The following RASGRP3 variants were observed in gnomAD, a reference collection of about 807,000 sequenced individuals.
The protein encoded by RASGRP3 is RAS guanyl releasing protein 3, also known as ras guanyl-releasing protein 3.
Under a neutral mutation model 82.7 loss-of-function variants are expected in RASGRP3, and 54 were observed. The observed-to-expected ratio is 0.65, with a 90% CI of 0.52 to 0.82. The LOEUF (loss-of-function observed/expected upper bound fraction) is 0.82, where lower values mean the gene tolerates loss of function less well. Ranked by LOEUF, RASGRP3 falls within the 40% of genes least tolerant of loss-of-function variation. RASGRP3 has a pLI of 0.00. For synonymous variants in RASGRP3, 309 were observed against 300.5 expected (o/e 1.03, Z -0.29); for missense variants, 861 against 828.9 (o/e 1.04, Z -0.48).
chr2:33,468,196 T>C (rs556405809), intron 2 of RASGRP3, among the ~76,000 whole-genome samples: 4 of 152,186 alleles, frequency 2.6e-5, no homozygotes, highest in African/African-American at 4.8e-5. Context: ...AGTAGATAAA[T>C]GCTGATGAGC....
intron 17 of RASGRP3, among the ~76,000 whole-genome samples, chr2:33,561,043 T>G (rs984030825): frequency 2.6e-5 from 4 of 152,098 alleles, no homozygotes; most frequent in African/African-American, 7.2e-5. Context: ...CTCTTATCCT[T>G]TCTGTGTTCT....
intron 12 of RASGRP3, 109 bp downstream of exon 12, chr2:33,539,319 G>A: frequency 1.1e-6 from 1 of 883,262 alleles, no homozygotes; most frequent in Non-Finnish European, 1.8e-6. Context: ...ACAACCCTCT[G>A]GCAGGTAGGA....
intron 7 of RASGRP3, among the ~76,000 whole-genome samples, chr2:33,523,084 C>G (rs544119199): frequency 6.6e-6 from 1 of 152,266 alleles, no homozygotes; most frequent in Admixed American, 6.5e-5. Context: ...CTGATGCTAA[C>G]TTGAAATAAT....
intron 1 of RASGRP3, among the ~76,000 whole-genome samples, chr2:33,484,083 T>G (rs1331488004): frequency 6.6e-6 from 1 of 152,198 alleles, no homozygotes; most frequent in Admixed American, 6.5e-5. Context: ...ATCCAGCAAT[T>G]CAAATTTGGC....
chr2:33,474,997 A>G (rs530651043), upstream of RASGRP3, among the ~76,000 whole-genome samples: 2 of 152,346 alleles, frequency 1.3e-5, no homozygotes, highest in East Asian at 3.9e-4. Flanking sequence ...GATGGATGCC[A>G]TCAGATCACA....
intron 14 of RASGRP3, among the ~76,000 whole-genome samples, chr2:33,552,022 CAAACA>C (rs5830266): frequency 0.17 from 19,161 of 111,458 alleles, 1,333 homozygotes; most frequent in African/African-American, 0.24. Context: ...AACAAACAAA[CAAACA>C]GAGAAACAAA....
chr2:33,457,711 T>C (rs1215080116), intron 2 of RASGRP3, among the ~76,000 whole-genome samples: 1 of 152,164 alleles, frequency 6.6e-6, no homozygotes, highest in African/African-American at 2.4e-5. Context: ...ATTTTATTCT[T>C]AAAGGCTTAA....
At chr2:33,534,526 TC>T in intron 11 of RASGRP3, 126 bp downstream of exon 11, 1 of 728,868 alleles carries the variant, frequency 1.4e-6, no homozygotes, top group Non-Finnish European at 2.2e-6. Flanking sequence ...CATTATTCTT[TC>T]TTTTTCTTTT....
rs59601670 is a variant in RASGRP3 at position 33,547,342 on chromosome 2, C to CTTTTTTTTTTTTTTTTTTTTTTT, written c.1395-2255_1395-2233dup. On this transcript the variant is annotated intron_variant, in intron 13 of 17. Coordinates refer to ENST00000403687, the MANE Select transcript of RASGRP3 (RefSeq NM_001139488.2). ...CCCGCAAGCTTGAGAATATAGAATC[C>CTTTTTTTTTTTTTTTTTTTTTTT]TTTTTTTTTTTTTTTTTTTTTTTTT... Among the ~76,000 whole-genome samples the CTTTTTTTTTTTTTTTTTTTTTTT allele has an allele frequency of 1.5e-4, 10 of 68,208 alleles. 3 individuals are homozygous for CTTTTTTTTTTTTTTTTTTTTTTT. In the East Asian group the frequency reaches 2.0e-3, roughly 14 times the overall value. The allele number at this position is 68,208 out of a possible 152,430, so 44.7% of individuals were successfully genotyped here.
chr2:33,489,465 T>G (rs1185371949), intron 1 of RASGRP3, among the ~76,000 whole-genome samples: 3 of 152,226 alleles, frequency 2.0e-5, no homozygotes, highest in African/African-American at 7.2e-5. Context: ...CTCTTTGGTG[T>G]CCAAAAGATC....
upstream of RASGRP3, among the ~76,000 whole-genome samples, chr2:33,474,768 A>G (rs1396869060): frequency 6.6e-6 from 1 of 152,194 alleles, no homozygotes; most frequent in Non-Finnish European, 1.5e-5. Context: ...TGCTTCCTCC[A>G]TAGCCTGCAG....
At chr2:33,561,806 T>C (rs1209841939) in intron 17 of RASGRP3, among the ~76,000 whole-genome samples, 1 of 152,166 alleles carries the variant, frequency 6.6e-6, no homozygotes. Context: ...TTTTAAAATA[T>C]AAGGGTACGA....
chr2:33,515,875 G>A (rs1393129527), intron 3 of RASGRP3, among the ~76,000 whole-genome samples: 1 of 152,196 alleles, frequency 6.6e-6, no homozygotes, highest in Non-Finnish European at 1.5e-5. Flanking sequence ...GTGCAGGGTT[G>A]CCAGATAAAA....
At chr2:33,477,448 C>A (rs143224755) in intron 1 of RASGRP3, among the ~76,000 whole-genome samples, 1 of 152,320 alleles carries the variant, frequency 6.6e-6, no homozygotes, top group East Asian at 1.9e-4. Context: ...CGCTGGTCTT[C>A]CTTATTTTAG....
chr2:33,510,747 A>G (rs532089267), intron 1 of RASGRP3, among the ~76,000 whole-genome samples: 1 of 152,252 alleles, frequency 6.6e-6, no homozygotes, highest in African/African-American at 2.4e-5. Flanking sequence ...CAGTCTAGTA[A>G]AGTACGCAGC....
Position 33,549,753 on chromosome 2 carries a change from T to G in RASGRP3, c.1542+2T>G. ...TTCTGCGAACACTGTGCGGGATTTG[T>G]AAGTCTGTTTTCCGTTGTTTTCTTA... On this transcript the variant is annotated splice_donor_variant, in intron 14 of 17. Transcript: ENST00000403687. LOFTEE classifies it high-confidence loss of function. The G allele has an allele frequency of 1.9e-6, 3 of 1,611,906 alleles. No homozygotes were observed. Among genetic ancestry groups the G allele is most frequent in the Non-Finnish European group, 2.5e-6 (3 of 1,179,216 alleles).
At position 33,446,240 on chromosome 2, in the gene RASGRP3, G is replaced by A. The variant is rs556371399; in HGVS notation, c.-384-1580G>A. ...TGGTGCAATCTTTGGCTCACTGCAA[G>A]CTCCGCCCCTTGGGTTCACGTTTCT... On this transcript the variant is annotated intron_variant, in intron 1 of 18. Transcript: ENST00000402538. Among the ~76,000 whole-genome samples the A allele has an allele frequency of 8.5e-5, 13 of 152,248 alleles. No individual in the cohort carries two copies. The South Asian group carries it at 2.7e-3, about 32-fold the overall frequency.
rs1308556015 is a variant in RASGRP3, at chr2:33,486,162, TTA to T, written c.-261+9457_-261+9458del. Among the ~76,000 whole-genome samples, 5 of 89,472 alleles carry T rather than the reference TTA, an allele frequency of 5.6e-5. No homozygotes were observed. In the East Asian group the frequency reaches 9.8e-4, roughly 18 times the overall value. The allele number at this position is 89,472 out of a possible 152,430, so 58.7% of individuals were successfully genotyped here. A position where few individuals can be genotyped will look rare whatever the true frequency, so the allele number is the denominator to read the frequency against. ...CTTTTCTTTTCTTTCTTTCTTTTATTTATTTTTTTTTTTTTTGAGAGAGAGAG... is the reference window on the plus strand; with the variant it reads ...CTTTTCTTTTCTTTCTTTCTTTTATTTTTTTTTTTTTTTTGAGAGAGAGAG... On this transcript the variant is annotated intron_variant, in intron 1 of 17. Coordinates refer to ENST00000403687, the MANE Select transcript of RASGRP3 (RefSeq NM_001139488.2).
chr2:33,530,404 A>T (rs1672999504), intron 10 of RASGRP3, among the ~76,000 whole-genome samples: 1 of 140,154 alleles, frequency 7.1e-6, no homozygotes, highest in African/African-American at 3.3e-5. Context: ...TTTTCACAGC[A>T]CTTTTCACAT....
Sources: allele counts gnomAD v4.1 joint callset (sites outside exome capture counted in the v4.1 genomes callset), GRCh38; gene constraint gnomAD v4.1.1; transcripts MANE v1.5; gene names NCBI Gene and HGNC (gene_info 2026-07-23, HGNC 2026-07-21).